Variants in ZFYVE26 observed in about 807,000 individuals in gnomAD.
The protein encoded by ZFYVE26 is zinc finger FYVE domain-containing protein 26.
In ZFYVE26, 181 loss-of-function variants were observed where a neutral mutation model predicts 276.5. The observed-to-expected ratio is 0.65, with a 90% CI of 0.58 to 0.74. The LOEUF (loss-of-function observed/expected upper bound fraction) is 0.74. Ranked by LOEUF, ZFYVE26 falls within the 30% of genes least tolerant of loss-of-function variation. ZFYVE26 has a pLI of 0.00. For missense variants in ZFYVE26, 2,821 were observed against 3,097.9 expected, an observed-to-expected ratio of 0.91 and a Z score of 2.12; for synonymous variants, 1,129 against 1,203.1, an observed-to-expected ratio of 0.94 and a Z score of 1.27.
intron 26 of ZFYVE26, 89 bp downstream of exon 26, chr14:67,775,771 A>C: frequency 6.2e-7 from 1 of 1,601,848 alleles, no homozygotes; most frequent in Non-Finnish European, 8.5e-7. Flanking sequence ...TCAACCCAAA[A>C]TATTAAAAGG....
chr14:67,810,612 G>T (rs2040279359), intron 3 of ZFYVE26, among the ~76,000 whole-genome samples: 1 of 152,128 alleles, frequency 6.6e-6, no homozygotes, highest in African/African-American at 2.4e-5. Flanking sequence ...TGCCATCAGA[G>T]AGGTCTAATA....
At chr14:67,802,734 A>C (rs2040103770) in intron 9 of ZFYVE26, among the ~76,000 whole-genome samples, 2 of 152,156 alleles carry the variant, frequency 1.3e-5, no homozygotes, top group South Asian at 4.1e-4. Flanking sequence ...GTAAGAGCAG[A>C]GTTCGTATTC....
At chr14:67,768,060 C>T (rs2039105729) in intron 30 of ZFYVE26, among the ~76,000 whole-genome samples, 2 of 152,138 alleles carry the variant, frequency 1.3e-5, no homozygotes, top group South Asian at 2.1e-4. Flanking sequence ...GTATTTGTCA[C>T]GTAACCTTCT....
intron 40 of ZFYVE26, 129 bp from the exon 41 acceptor site, chr14:67,751,225 C>G (rs1475844771): frequency 1.0e-6 from 1 of 993,106 alleles, no homozygotes; most frequent in East Asian, 2.5e-5. Context: ...TTTTTTTTCT[C>G]AAAGACATGG....
At chr14:67,769,355 T>C (rs1390659544) in intron 29 of ZFYVE26, among the ~76,000 whole-genome samples, 2 of 152,208 alleles carry the variant, frequency 1.3e-5, no homozygotes, top group Non-Finnish European at 2.9e-5. Flanking sequence ...AGTCCTGATT[T>C]AAGAACATCA....
Position 67,789,536 on chromosome 14 carries a change from T to A in ZFYVE26, c.2818A>T (p.Ile940Phe). 1 of 1,614,108 alleles carries A rather than the reference T, an allele frequency of 6.2e-7. No individual in the cohort carries two copies. The highest frequency in any genetic ancestry group is 8.5e-7 in the Non-Finnish European group (1 of 1,180,014). Residue 940 changes from isoleucine (I) to phenylalanine (F), a missense_variant, in exon 16 of 42, where the codon ATC (isoleucine) becomes TTC (phenylalanine). Physicochemically the swap from Ile to Phe is conservative, Grantham distance 21. Transcript: ENST00000347230. Reference sequence around the variant, plus strand: ...CAAAAGTCCTCCTGGAGCATGGGGATGGGGTCTCCAGAGGTGTTGAGCAGC... The same window carrying A: ...CAAAAGTCCTCCTGGAGCATGGGGAAGGGGTCTCCAGAGGTGTTGAGCAGC... Reference protein sequence around the residue: ...DKLLNTSGDPIPMLQEDFWIS... With the variant: ...DKLLNTSGDPFPMLQEDFWIS...
intron 32 of ZFYVE26, among the ~76,000 whole-genome samples, chr14:67,763,231 A>G (rs116608306): frequency 0.015 from 2,302 of 152,306 alleles, 41 homozygotes; most frequent in African/African-American, 0.043. Context: ...TGAGAGTTGC[A>G]TAGCATAGAT....
chr14:67,797,990 C>T (rs759034238), intron 11 of ZFYVE26, 24 bp downstream of exon 11: 13 of 1,613,862 alleles, frequency 8.1e-6, no homozygotes, highest in Non-Finnish European at 1.1e-5. Context: ...CCTTCTGGTC[C>T]CACCAGTTCC....
At chr14:67,805,779 A>T (rs2040168183) in intron 6 of ZFYVE26, among the ~76,000 whole-genome samples, 161 bp from the exon 7 acceptor site, 1 of 152,248 alleles carries the variant, frequency 6.6e-6, no homozygotes, top group African/African-American at 2.4e-5. Flanking sequence ...CTGTAATCCC[A>T]GCACTTTGGG....
intron 41 of ZFYVE26, chr14:67,750,347 G>GTA: frequency 6.5e-6 from 1 of 154,314 alleles, no homozygotes; most frequent in South Asian, 2.0e-4. Flanking sequence ...TTTGCCTGAC[G>GTA]TCAGTTTTCA....
chr14:67,803,602 CA>C (rs2040120708), intron 9 of ZFYVE26, among the ~76,000 whole-genome samples: 1 of 152,204 alleles, frequency 6.6e-6, no homozygotes, highest in South Asian at 2.1e-4. Flanking sequence ...CTCGGCCTCC[CA>C]AAGTGCTGGG....
chr14:67,738,159 C>A (rs11158687), intron 13 of ZFYVE26, among the ~76,000 whole-genome samples: 66,829 of 151,454 alleles, frequency 0.44, 16,839 homozygotes, highest in Non-Finnish European at 0.59. Flanking sequence ...AATGGTGGAG[C>A]CATTTCTACC....
At chr14:67,759,288 C>T (rs1015528744) in intron 35 of ZFYVE26, among the ~76,000 whole-genome samples, 2 of 140,834 alleles carry the variant, frequency 1.4e-5, no homozygotes, top group African/African-American at 2.6e-5. Flanking sequence ...AAAGGCAGGG[C>T]ACTCTAGGTA....
chr14:67,759,321 C>T (rs763942747), intron 35 of ZFYVE26, among the ~76,000 whole-genome samples: 90 of 146,658 alleles, frequency 6.1e-4, no homozygotes, highest in Admixed American at 1.0e-3. Flanking sequence ...CATAAAGATT[C>T]GTGGAAATAA....
At chr14:67,807,128 G>A (rs2040197519) in intron 5 of ZFYVE26, among the ~76,000 whole-genome samples, 1 of 152,038 alleles carries the variant, frequency 6.6e-6, no homozygotes, top group African/African-American at 2.4e-5. Context: ...TTTTTTTGTA[G>A]AGATGGGAAC....
intron 10 of ZFYVE26, chr14:67,799,177 A>G (rs1454051848): frequency 1.9e-6 from 3 of 1,590,016 alleles, no homozygotes; most frequent in Non-Finnish European, 2.6e-6. Flanking sequence ...AAGCTTTTGA[A>G]AAGACATACA....
At position 67,747,637 on chromosome 14, in the gene ZFYVE26, A is replaced by C; in HGVS notation, c.*799T>G. 6.6e-6 allele frequency: 1 copy of C among 151,584 alleles called. No homozygotes were observed. The highest frequency in any genetic ancestry group is 1.5e-5 in the Non-Finnish European group (1 of 68,046). 9.4% of individuals were successfully genotyped at this position (151,584 alleles called of 1,614,324 possible). Reference sequence around the variant, plus strand: ...AACAGGCAGCTCTGTGCTTGTGAGCACCCGCTCCCCCCACCACCCCCCACC... The same window carrying C: ...AACAGGCAGCTCTGTGCTTGTGAGCCCCCGCTCCCCCCACCACCCCCCACC... On this transcript the variant is annotated 3_prime_UTR_variant, in exon 42 of 42. Coordinates refer to ENST00000347230, the MANE Select transcript of ZFYVE26 (RefSeq NM_015346.4).
Position 67,802,107 on chromosome 14 carries a change from C to T in ZFYVE26, c.1611G>A (p.Glu537=). The T allele has an allele frequency of 6.2e-7, 1 of 1,613,514 alleles. No homozygotes were observed. The highest frequency in any genetic ancestry group is 8.5e-7 in the Non-Finnish European group (1 of 1,180,036). The change falls in exon 10 of 42, where the codon GAG becomes GAA. Residue 537 remains glutamate, a synonymous_variant. Transcript: ENST00000347230. The part of the protein sequence containing the change: ...SLSEDLASAT[E]PANDSLSSPG... Reference sequence around the variant, plus strand: ...GGGAGGAGAGAGAGTCATTCGCTGGCTCTGTAGCTGAGGCCAGGTCCTCAG... The same window carrying T: ...GGGAGGAGAGAGAGTCATTCGCTGGTTCTGTAGCTGAGGCCAGGTCCTCAG...
intron 3 of ZFYVE26, among the ~76,000 whole-genome samples, chr14:67,810,918 G>C (rs1367507733): frequency 1.3e-5 from 2 of 152,174 alleles, no homozygotes; most frequent in Non-Finnish European, 2.9e-5. Flanking sequence ...GTGTACATGA[G>C]TGAGGAGAGT....
Sources: allele counts gnomAD v4.1 joint callset (sites outside exome capture counted in the v4.1 genomes callset), GRCh38; gene constraint gnomAD v4.1.1; transcripts MANE v1.5; gene names NCBI Gene and HGNC (gene_info 2026-07-23, HGNC 2026-07-21).